The following RBFOX1 variants were observed in gnomAD, a reference collection of about 807,000 sequenced individuals.
The protein encoded by RBFOX1 is RNA binding protein fox-1 homolog 1.
A neutral mutation model predicts 57.7 loss-of-function variants in RBFOX1; 8 were observed. The ratio of observed to expected loss-of-function variants is 0.14; its 90% CI spans 0.08 to 0.25. The LOEUF (loss-of-function observed/expected upper bound fraction) is 0.25, where lower values mean the gene tolerates loss of function less well. RBFOX1 is among the 10% of genes least tolerant of loss of function. The probability of loss-of-function intolerance (pLI) is 1.00; values close to 1 mark genes in which losing one functional copy is unlikely to be tolerated. For missense variants in RBFOX1, 611 were observed against 548.5 expected, an observed-to-expected ratio of 1.11 and a Z score of -1.14; for synonymous variants, 326 against 222.4, an observed-to-expected ratio of 1.47 and a Z score of -4.15.
chr16:7,312,377 T>C lies in RBFOX1; in HGVS notation c.28-205770T>C, dbSNP rs541217562. 1.4e-4 allele frequency among the ~76,000 whole-genome samples: 21 copies of C among 152,302 alleles called. No individual in the cohort carries two copies. In the South Asian group the frequency reaches 4.4e-3, roughly 32 times the overall value. ...CCTGGGCAACAAGAGTGAAACTCTT[T>C]CTCAACAGCAGCAACAACAACAATG... is the stretch of plus-strand genomic sequence containing the variant. On this transcript the variant is annotated intron_variant, in intron 4 of 15. Transcript: ENST00000550418.
intron 2 of RBFOX1, among the ~76,000 whole-genome samples, chr16:5,505,115 G>A (rs1439716636): frequency 6.6e-6 from 1 of 152,156 alleles, no homozygotes; most frequent in Non-Finnish European, 1.5e-5. Context: ...ATTGTGCAGT[G>A]TATGAGTTAT....
At chr16:5,279,520 G>C (rs2063219828) in intron 1 of RBFOX1, among the ~76,000 whole-genome samples, 1 of 151,458 alleles carries the variant, frequency 6.6e-6, no homozygotes, top group Non-Finnish European at 1.5e-5. Context: ...TTTATTTTTT[G>C]AGATAGAGTC....
At chr16:7,086,901 G>C (rs535801548) in intron 4 of RBFOX1, among the ~76,000 whole-genome samples, 9 of 152,310 alleles carry the variant, frequency 5.9e-5, no homozygotes, top group Admixed American at 5.2e-4. Context: ...TTGGCACACA[G>C]GCTTCTGACG....
chr16:7,250,073 T>G (rs1423489577), intron 4 of RBFOX1, among the ~76,000 whole-genome samples: 1 of 152,248 alleles, frequency 6.6e-6, no homozygotes, highest in Non-Finnish European at 1.5e-5. Context: ...CCCCCTTTTT[T>G]TCCCATAGGG....
intron 11 of RBFOX1, among the ~76,000 whole-genome samples, chr16:7,641,609 C>G (rs1051074360): frequency 1.3e-5 from 2 of 152,154 alleles, no homozygotes; most frequent in South Asian, 4.1e-4. Context: ...TTATCCCTAC[C>G]CTTACTATTT....
chr16:6,465,598 C>CTGTGTGTG (rs56131263), intron 2 of RBFOX1, among the ~76,000 whole-genome samples: 65 of 145,072 alleles, frequency 4.5e-4, no homozygotes, highest in East Asian at 4.3e-3. Context: ...ATGTATAGGG[C>CTGTGTGTG]TGTGTGTGTG....
At chr16:6,665,895 C>T (rs923402843) in intron 3 of RBFOX1, among the ~76,000 whole-genome samples, 1 of 151,948 alleles carries the variant, frequency 6.6e-6, no homozygotes, top group African/African-American at 2.4e-5. Context: ...ACGTCCCCAC[C>T]CAAATCTCAT....
chr16:6,672,639 C>A (rs1044393911), intron 3 of RBFOX1, among the ~76,000 whole-genome samples: 12 of 152,106 alleles, frequency 7.9e-5, no homozygotes, highest in Non-Finnish European at 1.8e-4. Context: ...ACACATGGAT[C>A]CAGGTCCTGA....
chr16:6,882,585 A>T (rs2063173023), intron 3 of RBFOX1, among the ~76,000 whole-genome samples: 1 of 151,980 alleles, frequency 6.6e-6, no homozygotes, highest in South Asian at 2.1e-4. Context: ...GGCAGAGTTA[A>T]ACTCTGAAAA....
intron 3 of RBFOX1, among the ~76,000 whole-genome samples, chr16:5,702,705 G>A (rs1362051355): frequency 2.0e-5 from 3 of 152,172 alleles, no homozygotes; most frequent in Non-Finnish European, 4.4e-5. Context: ...GTAAAATGGG[G>A]TTCATAGTGG....
intron 6 of RBFOX1, among the ~76,000 whole-genome samples, chr16:7,582,328 C>T (rs899505030): frequency 1.3e-5 from 2 of 152,098 alleles, no homozygotes; most frequent in Non-Finnish European, 2.9e-5. Context: ...GCATCTGTGT[C>T]CCTTTTTTTA....
intron 1 of RBFOX1, among the ~76,000 whole-genome samples, chr16:6,040,788 G>A (rs2095428447): frequency 6.6e-6 from 1 of 151,966 alleles, no homozygotes. Context: ...TAGAGACTGG[G>A]TTTCCTTATG....
intron 4 of RBFOX1, among the ~76,000 whole-genome samples, chr16:7,059,466 T>A (rs2053567458): frequency 6.6e-6 from 1 of 152,190 alleles, no homozygotes; most frequent in Admixed American, 6.5e-5. Flanking sequence ...ATACTAAAAC[T>A]TGCACCACTC....
At chr16:6,626,341 TGGA>T (rs1479861175) in intron 2 of RBFOX1, among the ~76,000 whole-genome samples, 1 of 152,152 alleles carries the variant, frequency 6.6e-6, no homozygotes, top group Non-Finnish European at 1.5e-5. Flanking sequence ...ATCCATGGTG[TGGA>T]GGAGTGGGTG....
intron 1 of RBFOX1, among the ~76,000 whole-genome samples, chr16:6,070,141 A>G (rs1001282445): frequency 6.6e-6 from 1 of 152,192 alleles, no homozygotes; most frequent in South Asian, 2.1e-4. Flanking sequence ...TTGACTAGTA[A>G]TAATATGAGA....
chr16:6,747,194 G>C (rs112519725), intron 3 of RBFOX1, among the ~76,000 whole-genome samples: 4,410 of 152,208 alleles, frequency 0.029, 167 homozygotes, highest in African/African-American at 0.087. Flanking sequence ...CAGATCACAA[G>C]GTCAGGAGTT....
intron 2 of RBFOX1, among the ~76,000 whole-genome samples, chr16:6,587,332 A>G (rs1201244189): frequency 6.6e-6 from 1 of 152,096 alleles, no homozygotes; most frequent in Non-Finnish European, 1.5e-5. Context: ...CCCAGGCTAT[A>G]GTGCCGTGGT....
chr16:5,602,766 A>C (rs28669929), downstream of RBFOX1, among the ~76,000 whole-genome samples: 6,322 of 152,154 alleles, frequency 0.042, 422 homozygotes, highest in African/African-American at 0.14. Flanking sequence ...AGTTGTAATA[A>C]ATGTAATATA....
At chr16:7,242,009 C>T (rs972194359) in intron 4 of RBFOX1, among the ~76,000 whole-genome samples, 1 of 152,064 alleles carries the variant, frequency 6.6e-6, no homozygotes, top group African/African-American at 2.4e-5. Flanking sequence ...GATTGGTAAT[C>T]CCTTTTTTTG....
Sources: allele counts gnomAD v4.1 joint callset (sites outside exome capture counted in the v4.1 genomes callset), GRCh38; gene constraint gnomAD v4.1.1; transcripts MANE v1.5; gene names NCBI Gene and HGNC (gene_info 2026-07-23, HGNC 2026-07-21).